RADIL: variants seen among roughly 807,000 people sequenced by gnomAD.
RADIL encodes the protein ras-associating and dilute domain-containing protein.
In RADIL, 99 loss-of-function variants were observed where a neutral mutation model predicts 97.6. The ratio of observed to expected loss-of-function variants is 1.01; its 90% confidence interval spans 0.86 to 1.20. The LOEUF (loss-of-function observed/expected upper bound fraction) is 1.20, where lower values mean the gene tolerates loss of function less well. RADIL is among the 50% of genes most tolerant of loss of function. RADIL has a pLI of 0.00. For synonymous variants in RADIL, 803 were observed against 691.8 expected, an observed-to-expected ratio of 1.16 and a Z score of -2.52; for missense variants, 1,765 against 1,498.9, an observed-to-expected ratio of 1.18 and a Z score of -2.93.
chr7:4,853,293 A>G (rs1293318112), intron 2 of RADIL, among the ~76,000 whole-genome samples: 1 of 152,202 alleles, frequency 6.6e-6, no homozygotes, highest in African/African-American at 2.4e-5. Context: ...ATTTGCAGAT[A>G]TGTAAATAAG....
chr7:4,828,751 G>GC (rs535905492), intron 5 of RADIL, among the ~76,000 whole-genome samples: 119 of 152,288 alleles, frequency 7.8e-4, no homozygotes, highest in Non-Finnish European at 7.8e-4. Context: ...AAAAGGAAAA[G>GC]CCCCCCAGGC....
At chr7:4,801,489 C>T (rs1782082349) in intron 12 of RADIL, among the ~76,000 whole-genome samples, 164 bp downstream of exon 12, 1 of 152,234 alleles carries the variant, frequency 6.6e-6, no homozygotes, top group African/African-American at 2.4e-5. Flanking sequence ...GGGGGCTGAG[C>T]AGCCCTGAGC....
At position 4,801,808 on chromosome 7, in the gene RADIL, T is replaced by G; in HGVS notation, c.2687A>C (p.His896Pro). Residue 896 changes from histidine (H) to proline (P), a missense_variant, in exon 12 of 15, where the codon CAC (histidine) becomes CCC (proline). Coordinates refer to ENST00000399583, the MANE Select transcript of RADIL (RefSeq NM_018059.5). The stretch of plus-strand genomic sequence containing the variant: ...CGTGAGCAAGCAGGACGAGTCCGTG[T>G]GCGGGGGGCCAGCCTGGGAGCCCCC... ...SRGGSQAGPP[H>P]TDSSCLLTPP... 2 of 1,608,272 alleles carry G rather than the reference T, an allele frequency of 1.2e-6. No homozygotes were observed. Among genetic ancestry groups the G allele is most frequent in the Non-Finnish European group, 1.7e-6 (2 of 1,178,174 alleles).
At position 4,836,448 on chromosome 7, in the gene RADIL, C is replaced by A; in HGVS notation, c.693G>T (p.Gln231His). 6.2e-7 allele frequency: 1 copy of A among 1,600,084 alleles called. No individual in the cohort carries two copies. The highest frequency in any genetic ancestry group is 2.3e-5 in the East Asian group (1 of 44,184). ...CGTCGGGGCCGGGCTCCTCGGGGCC[C>A]TGGGCGGCAGCGGGCAGGGCGTTCA... ...SPVNALPAAAQGPEEPGPDAM... is the reference protein window; with the variant it reads ...SPVNALPAAAHGPEEPGPDAM... The change falls in exon 3 of 15, where the codon CAG (glutamine) becomes CAT (histidine). Residue 231 changes from glutamine (Q) to histidine (H), a missense_variant. Coordinates refer to ENST00000399583, the MANE Select transcript of RADIL (RefSeq NM_018059.5).
At chr7:4,845,841 G>A (rs1439402774) in intron 2 of RADIL, among the ~76,000 whole-genome samples, 1 of 152,212 alleles carries the variant, frequency 6.6e-6, no homozygotes, top group African/African-American at 2.4e-5. Flanking sequence ...TTGTTAGGCA[G>A]ACACAGATGG....
intron 10 of RADIL, among the ~76,000 whole-genome samples, chr7:4,804,791 A>C (rs1782238925): frequency 6.6e-6 from 1 of 150,718 alleles, no homozygotes; most frequent in Non-Finnish European, 1.5e-5. Context: ...GTCTCAGTCA[A>C]TCAATCAATA....
At chr7:4,855,409 T>C (rs2115025646) in intron 2 of RADIL, among the ~76,000 whole-genome samples, 1 of 152,010 alleles carries the variant, frequency 6.6e-6, no homozygotes. Flanking sequence ...TAAGATGAAG[T>C]ACATCAGTGT....
rs758444451 is a variant in RADIL, at chr7:4,808,821, GACGCCACTGCCCCTCCGCGTCTCCTTCCA to G, written c.2140-3134_2140-3106del. On this transcript the variant is annotated intron_variant, in intron 9 of 14. Coordinates refer to ENST00000399583, the MANE Select transcript of RADIL (RefSeq NM_018059.5). ...CCACTGCCCCTCCGTGTCTCCTTCC[GACGCCACTGCCCCTCCGCGTCTCCTTCCA>G]ACGCCACTGCCCCTCCGCGTCTCCT... The G allele has an allele frequency of 7.7e-4, 716 of 925,182 alleles. 9 individuals are homozygous for G. Among genetic ancestry groups the G allele is most frequent in the Admixed American group, 5.0e-3 (50 of 9,908 alleles). The allele number at this position is 925,182 out of a possible 1,614,324, so 57.3% of individuals were successfully genotyped here.
intron 2 of RADIL, among the ~76,000 whole-genome samples, chr7:4,841,659 G>T (rs1340928442): frequency 6.6e-6 from 1 of 152,216 alleles, no homozygotes; most frequent in Non-Finnish European, 1.5e-5. Flanking sequence ...CTGGGACCTT[G>T]GTGGGCAGCC....
At chr7:4,844,242 G>A (rs975860365) in intron 2 of RADIL, among the ~76,000 whole-genome samples, 4 of 152,014 alleles carry the variant, frequency 2.6e-5, no homozygotes, top group South Asian at 2.1e-4. Context: ...TCAAGAGATC[G>A]AGACCATCCT....
At position 4,849,453 on chromosome 7, in the gene RADIL, T is replaced by C. The variant is rs1156933701; in HGVS notation, c.536-12848A>G. 6.6e-6 allele frequency among the ~76,000 whole-genome samples: 1 copy of C among 152,230 alleles called. No homozygotes were observed. The highest frequency in any genetic ancestry group is 2.4e-5 in the African/African-American group (1 of 41,458). On this transcript the variant is annotated intron_variant, in intron 2 of 14. Coordinates refer to ENST00000399583, the MANE Select transcript of RADIL (RefSeq NM_018059.5). This position sits in a 1 kb window ranked among gnomAD's most constrained non-coding sequence, Gnocchi z 5.4. Reference sequence around the variant, plus strand: ...GTTTATCTTCTAACATCTCTGGAACTGGAAGGCATCCTGTATTCTGTGGAA... The same window carrying C: ...GTTTATCTTCTAACATCTCTGGAACCGGAAGGCATCCTGTATTCTGTGGAA...
intron 9 of RADIL, chr7:4,808,760 C>T: frequency 3.2e-6 from 3 of 947,142 alleles, no homozygotes; most frequent in Non-Finnish European, 3.7e-6. Context: ...AACGCCACTG[C>T]CCCCCGTTCC....
chr7:4,823,565 G>T (rs781571663), intron 5 of RADIL, among the ~76,000 whole-genome samples: 1 of 152,030 alleles, frequency 6.6e-6, no homozygotes, highest in Non-Finnish European at 1.5e-5. Context: ...GGTAGGGGTT[G>T]GGGGGGCGCC....
chr7:4,868,355 C>T (rs1784175889), intron 2 of RADIL, among the ~76,000 whole-genome samples: 1 of 152,200 alleles, frequency 6.6e-6, no homozygotes, highest in Admixed American at 6.5e-5. Context: ...AGCCACCTTG[C>T]CCGGCCATGA....
chr7:4,877,803 AC>A lies in RADIL; in HGVS notation c.336del (p.Cys113ValfsTer30), dbSNP rs1180942104. 1 of 1,610,658 alleles carries A rather than the reference AC, an allele frequency of 6.2e-7. No individual in the cohort carries two copies. Among genetic ancestry groups the A allele is most frequent in the African/African-American group, 1.3e-5 (1 of 74,920 alleles). ...LDPRQAGQYVLCDVVGQAGDA... is the reference protein window; with the variant it reads ...LDPRQAGQYVXCDVVGQAGDA... ...TCGCCGGCTTGGCCCACCACGTCAC[AC>A]AGCACGTACTGGCCGGCCTGCCTGG... On this transcript the variant is annotated frameshift_variant, in exon 2 of 15. Transcript: ENST00000399583. LOFTEE classifies it high-confidence loss of function.
At chr7:4,882,771 C>T (rs1318267524) in intron 1 of RADIL, among the ~76,000 whole-genome samples, 1 of 152,242 alleles carries the variant, frequency 6.6e-6, no homozygotes, top group Admixed American at 6.5e-5. Flanking sequence ...AGGAGACCGA[C>T]TTGCCCCCCA....
At chr7:4,839,096 G>C (rs1583297619) in intron 2 of RADIL, among the ~76,000 whole-genome samples, 1 of 152,248 alleles carries the variant, frequency 6.6e-6, no homozygotes, top group Non-Finnish European at 1.5e-5. Context: ...CGTGACCACA[G>C]GGTGAAAGAG....
At chr7:4,803,458 C>T (rs1782185074) in intron 11 of RADIL, 88 bp downstream of exon 11, 1 of 1,209,120 alleles carries the variant, frequency 8.3e-7, no homozygotes, top group Admixed American at 2.9e-5. Context: ...TGGGTGGCCC[C>T]CTCCCCGGGC....
At chr7:4,807,784 C>A (rs1271560883) in intron 9 of RADIL, among the ~76,000 whole-genome samples, 2 of 76,208 alleles carry the variant, frequency 2.6e-5, no homozygotes, top group Non-Finnish European at 5.3e-5. Context: ...TCCCCTTCCT[C>A]CTCCGTCTCC....
Sources: allele counts gnomAD v4.1 joint callset (sites outside exome capture counted in the v4.1 genomes callset), GRCh38; gene constraint gnomAD v4.1.1; non-coding constraint Gnocchi (gnomAD v3.1); transcripts MANE v1.5; gene names NCBI Gene and HGNC (gene_info 2026-07-23, HGNC 2026-07-21).